ARL6IP1: variants seen among roughly 807,000 people sequenced by gnomAD.
ARL6IP1 encodes the protein ARL6 interacting reticulophagy regulator 1.
In ARL6IP1, 16 loss-of-function variants were observed where a neutral mutation model predicts 30.1. That is an observed-to-expected ratio of 0.53 (90% confidence interval 0.36 to 0.81). The LOEUF (loss-of-function observed/expected upper bound fraction) is 0.81. ARL6IP1 is among the 30% of genes least tolerant of loss of function. The probability of loss-of-function intolerance (pLI) is 0.01; values close to 1 mark genes in which losing one functional copy is unlikely to be tolerated. For synonymous variants in ARL6IP1, 72 were observed against 84.8 expected (o/e 0.85, Z 0.83); for missense variants, 173 against 242.7 (o/e 0.71, Z 1.91).
intron 3 of ARL6IP1, among the ~76,000 whole-genome samples, 177 bp from the exon 4 acceptor site, chr16:18,795,758 G>C (rs2030211280): frequency 6.6e-6 from 1 of 152,106 alleles, no homozygotes; most frequent in South Asian, 2.1e-4. Context: ...TATAGCACAG[G>C]AGTAAGTATT....
intron 1 of ARL6IP1, among the ~76,000 whole-genome samples, chr16:18,800,350 T>TA (rs1308050503): frequency 3.3e-5 from 5 of 152,330 alleles, no homozygotes; most frequent in Non-Finnish European, 7.3e-5. Flanking sequence ...TTGCTTTCCT[T>TA]AGAGTTATAT....
chr16:18,795,972 C>T (rs1416436108), intron 3 of ARL6IP1, among the ~76,000 whole-genome samples: 2 of 152,142 alleles, frequency 1.3e-5, no homozygotes, highest in East Asian at 1.9e-4. Context: ...CTATACCTAC[C>T]AGAATCCCAC....
intron 1 of ARL6IP1, among the ~76,000 whole-genome samples, chr16:18,799,838 G>A (rs1001741087): frequency 1.3e-5 from 2 of 152,194 alleles, no homozygotes; most frequent in Non-Finnish European, 2.9e-5. Context: ...CCTCTAGGAT[G>A]AGCTAATGTG....
chr16:18,794,616 A>T lies in ARL6IP1; in HGVS notation c.476T>A (p.Leu159His), dbSNP rs1273824497. The T allele has an allele frequency of 1.2e-6, 2 of 1,613,386 alleles. No individual in the cohort carries two copies. The highest frequency in any genetic ancestry group is 2.2e-5 in the South Asian group (2 of 91,062). The change falls in exon 5 of 6, where the codon CTT becomes CAT. Residue 159 changes from leucine to histidine, a missense_variant. Transcript: ENST00000304414. Reference protein sequence around the residue: ...AWVGQQVHNLLLTYLIVTSLL... With the variant: ...AWVGQQVHNLHLTYLIVTSLL... ...AGACTTACCTATCAGGTAGGTGAGA[A>T]GCAGGTTGTGGACTTGTTGTCCCAC...
intron 1 of ARL6IP1, among the ~76,000 whole-genome samples, chr16:18,800,281 G>A (rs2030368418): frequency 6.6e-6 from 1 of 152,148 alleles, no homozygotes; most frequent in Non-Finnish European, 1.5e-5. Flanking sequence ...ATTTTACCAA[G>A]GAGGAAACAG....
At chr16:18,793,458 TTTCAC>T in intron 5 of ARL6IP1, 88 bp from the exon 6 acceptor site, 6 of 772,794 alleles carry the variant, frequency 7.8e-6, no homozygotes, top group Non-Finnish European at 1.2e-5. Context: ...TGAGACAAAG[TTTCAC>T]TTTTGTTGCC....
Position 18,792,655 on chromosome 16 carries a change from T to C in ARL6IP1, c.*597A>G, listed in dbSNP as rs1482943771. On this transcript the variant is annotated 3_prime_UTR_variant, in exon 6 of 6. Transcript: ENST00000304414. ...AAGATCAAAGTTTCCTACAAATTGC[T>C]AAGCTTTGCACAAGGGAGAAGCCTA... 6.6e-6 allele frequency: 1 copy of C among 152,654 alleles called. No individual in the cohort carries two copies. The highest frequency in any genetic ancestry group is 2.4e-5 in the African/African-American group (1 of 41,464). 9.5% of individuals were successfully genotyped at this position (152,654 alleles called of 1,614,324 possible).
At chr16:18,798,509 T>C in intron 2 of ARL6IP1, 192 bp downstream of exon 2, 1 of 581,950 alleles carries the variant, frequency 1.7e-6, no homozygotes, top group Non-Finnish European at 2.7e-6. Flanking sequence ...ACTCAAGTGC[T>C]TTAGGTTACC....
At chr16:18,794,317 G>A (rs1400185408) in intron 5 of ARL6IP1, among the ~76,000 whole-genome samples, 2 of 152,144 alleles carry the variant, frequency 1.3e-5, no homozygotes, top group Non-Finnish European at 1.5e-5. Context: ...GAAGCAACAT[G>A]AAATCAATTA....
rs2030076519 is a variant in ARL6IP1, at chr16:18,791,782, A to T, written c.*1470T>A. 1 of 152,540 alleles carries T rather than the reference A, an allele frequency of 6.6e-6. No homozygotes were observed. The highest frequency in any genetic ancestry group is 2.4e-5 in the African/African-American group (1 of 41,460). 9.4% of individuals were successfully genotyped at this position (152,540 alleles called of 1,614,324 possible). A position where few individuals can be genotyped will look rare whatever the true frequency, so the allele number is the denominator to read the frequency against. On this transcript the variant is annotated 3_prime_UTR_variant, in exon 6 of 6. Coordinates refer to ENST00000304414, the MANE Select transcript of ARL6IP1 (RefSeq NM_015161.3). ...CAGTAGAATATGTATGCACACAAAA[A>T]ATCCAGATAGGAAGACAGGCTTATT...
rs369824026 is a variant in ARL6IP1, at chr16:18,794,651, C to T, written c.441G>A (p.Ala147=). Residue 147 remains alanine, a synonymous_variant, in exon 5 of 6, where the codon GCG becomes GCA. Transcript: ENST00000304414. The part of the protein sequence containing the change: ...YFMTMIVSLA[A]VAWVGQQVHN... ...GGACTTGTTGTCCCACCCAAGCAAC[C>T]GCAGCAAGGGAAACGATCATGGTCA... The T allele has an allele frequency of 9.3e-6, 15 of 1,613,046 alleles. No homozygotes were observed. Among genetic ancestry groups the T allele is most frequent in the African/African-American group, 4.0e-5 (3 of 74,830 alleles).
rs2030410327 is a variant in ARL6IP1 at position 18,801,474 on chromosome 16, G to C, written c.-8C>G. ...ATTATCTCCCTCCGCCATCGTCTCGGGGATGCAGTCTCTACAAGCGCAGGC... is the reference window on the plus strand; with the variant it reads ...ATTATCTCCCTCCGCCATCGTCTCGCGGATGCAGTCTCTACAAGCGCAGGC... On this transcript the variant is annotated 5_prime_UTR_variant, in exon 1 of 6. Coordinates refer to ENST00000304414, the MANE Select transcript of ARL6IP1 (RefSeq NM_015161.3). 1.9e-6 allele frequency: 3 copies of C among 1,612,430 alleles called. No homozygotes were observed. In the South Asian group the frequency reaches 3.3e-5, roughly 18 times the overall value.
intron 5 of ARL6IP1, among the ~76,000 whole-genome samples, chr16:18,793,697 C>T (rs1460511804): frequency 6.6e-6 from 1 of 151,784 alleles, no homozygotes; most frequent in East Asian, 1.9e-4. Flanking sequence ...TCCCAGAGTG[C>T]TGGGATTACG....
At chr16:18,800,850 C>G (rs919414464) in intron 1 of ARL6IP1, among the ~76,000 whole-genome samples, 30 of 152,180 alleles carry the variant, frequency 2.0e-4, no homozygotes, top group African/African-American at 7.2e-4. Context: ...ACCCCACCCC[C>G]GCCAGACTTC....
rs764806992 is a variant in ARL6IP1, at chr16:18,793,368, T to A, written c.496A>T (p.Thr166Ser). The A allele has an allele frequency of 1.3e-6, 2 of 1,568,096 alleles. No homozygotes were observed. The highest frequency in any genetic ancestry group is 1.7e-6 in the Non-Finnish European group (2 of 1,155,022). ...HNLLLTYLIV[T>S]SLLLLPGLNQ... is the part of the protein sequence containing the mutation. ...AGTCCAGGAAGCAATAGTAAGGAAG[T>A]CACTTAAAATAAAAAAAAACCCAAC... Residue 166 changes from threonine to serine, a missense_variant and splice_region_variant, in exon 6 of 6, where the codon ACT (threonine) becomes TCT (serine). By Grantham distance (58) the Thr-to-Ser change is moderately conservative (BLOSUM62 1). Coordinates refer to ENST00000304414, the MANE Select transcript of ARL6IP1 (RefSeq NM_015161.3).
chr16:18,794,273 C>A (rs1432672447), intron 5 of ARL6IP1, among the ~76,000 whole-genome samples: 1 of 152,138 alleles, frequency 6.6e-6, no homozygotes, highest in East Asian at 1.9e-4. Flanking sequence ...TTAAAGAAGG[C>A]AGGTTCCTAC....
chr16:18,794,851 G>T (rs532270231), intron 4 of ARL6IP1, among the ~76,000 whole-genome samples, 168 bp from the exon 5 acceptor site: 37 of 152,124 alleles, frequency 2.4e-4, no homozygotes, highest in Admixed American at 1.4e-3. Flanking sequence ...CTATTCCATT[G>T]GATCTACTTT....
chr16:18,794,906 ATG>A (rs1393154440), intron 4 of ARL6IP1, among the ~76,000 whole-genome samples: 1 of 152,174 alleles, frequency 6.6e-6, no homozygotes, highest in African/African-American at 2.4e-5. Flanking sequence ...GCAATTCTGT[ATG>A]TAAATATTTT....
At chr16:18,794,105 C>A (rs1024731678) in intron 5 of ARL6IP1, among the ~76,000 whole-genome samples, 1 of 152,048 alleles carries the variant, frequency 6.6e-6, no homozygotes, top group Non-Finnish European at 1.5e-5. Flanking sequence ...GTGTGTACCA[C>A]CACATCCAAC....
Sources: allele counts gnomAD v4.1 joint callset (sites outside exome capture counted in the v4.1 genomes callset), GRCh38; gene constraint gnomAD v4.1.1; transcripts MANE v1.5; gene names NCBI Gene and HGNC (gene_info 2026-07-23, HGNC 2026-07-21).